The following MGLL variants were observed in gnomAD, a reference collection of about 807,000 sequenced individuals.
The protein encoded by MGLL is monoglyceride lipase, also known as lysophospholipase homolog.
MGLL carries 7 observed loss-of-function variants against 29.1 expected under a neutral mutation model. The ratio of observed to expected loss-of-function variants is 0.24; its 90% CI spans 0.14 to 0.45. The LOEUF is 0.45. Ranked by LOEUF, MGLL falls within the 20% of genes least tolerant of loss-of-function variation. The pLI is 0.99. For synonymous variants in MGLL, 148 were observed against 168.3 expected, an observed-to-expected ratio of 0.88 and a Z score of 0.93; for missense variants, 356 against 413.6, an observed-to-expected ratio of 0.86 and a Z score of 1.21.
chr3:127,692,419 T>C, intron 7 of MGLL, 96 bp from the exon 8 acceptor site: 1 of 1,502,652 alleles, frequency 6.7e-7, no homozygotes, highest in East Asian at 2.3e-5. Context: ...TGCAGCATTC[T>C]CCGGACCCTC....
chr3:127,814,000 CTCCT>C (rs891534945), intron 2 of MGLL, among the ~76,000 whole-genome samples: 12 of 151,560 alleles, frequency 7.9e-5, no homozygotes, highest in East Asian at 1.9e-4. Context: ...TCTTCTCTCC[CTCCT>C]TCCTTCCTTC....
intron 3 of MGLL, among the ~76,000 whole-genome samples, chr3:127,772,883 G>C (rs2076972900): frequency 6.6e-6 from 1 of 152,200 alleles, no homozygotes. Context: ...GACACAGTGA[G>C]AAAGCATCAT....
At position 127,735,646 on chromosome 3, in the gene MGLL, A is replaced by T. The variant is rs1460325942; in HGVS notation, c.263-13080T>A. Reference sequence around the variant, plus strand: ...AAATTCCAAGATTGTAGTTACCTCCAGTCACCTCCTGTCTACTCATCAAGT... The same window carrying T: ...AAATTCCAAGATTGTAGTTACCTCCTGTCACCTCCTGTCTACTCATCAAGT... On this transcript the variant is annotated intron_variant, in intron 3 of 7. Transcript: ENST00000265052. The T allele has an allele frequency of 2.0e-6, 3 of 1,504,836 alleles. No homozygotes were observed. In the African/African-American group the frequency reaches 4.2e-5, roughly 21 times the overall value. The allele number at this position is 1,504,836 out of a possible 1,614,324, so 93.2% of individuals were successfully genotyped here. A position where few individuals can be genotyped will look rare whatever the true frequency, so the allele number is the denominator to read the frequency against.
intron 3 of MGLL, among the ~76,000 whole-genome samples, chr3:127,731,331 CTTTTATTATTATTA>C (rs989114094): frequency 2.6e-5 from 3 of 116,960 alleles, no homozygotes; most frequent in African/African-American, 9.9e-5. Flanking sequence ...CTCTTGGTGG[CTTTTATTATTATTA>C]TTATTATTAT....
chr3:127,731,283 A>C (rs1343707343), intron 3 of MGLL, among the ~76,000 whole-genome samples: 1 of 150,856 alleles, frequency 6.6e-6, no homozygotes, highest in East Asian at 1.9e-4. Context: ...CCTCCCAAGT[A>C]CTGGGACTAC....
intron 6 of MGLL, among the ~76,000 whole-genome samples, chr3:127,710,229 A>G (rs2075685042): frequency 6.6e-6 from 1 of 152,214 alleles, no homozygotes; most frequent in Non-Finnish European, 1.5e-5. Flanking sequence ...CCCTGGATCC[A>G]GCCATGTCTG....
At chr3:127,760,388 C>T (rs2076741565) in intron 3 of MGLL, among the ~76,000 whole-genome samples, 1 of 152,228 alleles carries the variant, frequency 6.6e-6, no homozygotes, top group South Asian at 2.1e-4. Flanking sequence ...TCTGGGCTCA[C>T]ACCATGCCAC....
chr3:127,695,397 G>C (rs2075339921), intron 6 of MGLL, among the ~76,000 whole-genome samples: 1 of 152,208 alleles, frequency 6.6e-6, no homozygotes, highest in Non-Finnish European at 1.5e-5. Flanking sequence ...TTTCAGGCTT[G>C]AGGGTTTCAC....
intron 6 of MGLL, among the ~76,000 whole-genome samples, chr3:127,704,656 A>G (rs1236683248): frequency 6.6e-6 from 1 of 152,208 alleles, no homozygotes; most frequent in East Asian, 1.9e-4. Flanking sequence ...AACATCACCG[A>G]TCATCAGAGA....
intron 2 of MGLL, among the ~76,000 whole-genome samples, chr3:127,806,614 T>G (rs1336282326): frequency 6.6e-6 from 1 of 151,676 alleles, no homozygotes; most frequent in Non-Finnish European, 1.5e-5. Context: ...TGTGAGTAGA[T>G]GTATGGGTGG....
intron 6 of MGLL, among the ~76,000 whole-genome samples, chr3:127,701,440 G>C (rs2075484534): frequency 6.6e-6 from 1 of 152,122 alleles, no homozygotes; most frequent in South Asian, 2.1e-4. Context: ...TTGGGTCCCT[G>C]TCACGCAGAG....
chr3:127,723,231 C>T (rs921780309), intron 3 of MGLL, among the ~76,000 whole-genome samples: 1 of 152,200 alleles, frequency 6.6e-6, no homozygotes, highest in African/African-American at 2.4e-5. Flanking sequence ...CTTTGAAGGA[C>T]ATCAGTCGCT....
Position 127,695,099 on chromosome 3 carries a change from T to G in MGLL, c.692A>C (p.Glu231Ala), listed in dbSNP as rs752505671. 2.5e-6 allele frequency: 4 copies of G among 1,614,096 alleles called. No individual in the cohort carries two copies. In the East Asian group the frequency reaches 8.9e-5, roughly 36 times the overall value. Residue 231 changes from glutamate (E) to alanine (A), a missense_variant, in exon 7 of 8, where the codon GAG (glutamate) becomes GCG (alanine). Glu to Ala is a moderately radical substitution (Grantham distance 107). Coordinates refer to ENST00000265052, the MANE Select transcript of MGLL (RefSeq NM_007283.7). The stretch of plus-strand genomic sequence containing the variant: ...CACAGTCAGCTTGGGGAGGGCGCGC[T>G]CCACCCGTGAGACGGCATTCAGCAG... Reference protein sequence around the residue: ...IQLLNAVSRVERALPKLTVPF... With the variant: ...IQLLNAVSRVARALPKLTVPF...
intron 2 of MGLL, among the ~76,000 whole-genome samples, chr3:127,804,536 A>G (rs1361864645): frequency 6.6e-6 from 1 of 152,232 alleles, no homozygotes; most frequent in African/African-American, 2.4e-5. Flanking sequence ...AAACTATAAT[A>G]GATCATCTTT....
intron 2 of MGLL, among the ~76,000 whole-genome samples, chr3:127,788,490 G>A (rs1269419830): frequency 6.6e-6 from 1 of 152,080 alleles, no homozygotes; most frequent in Non-Finnish European, 1.5e-5. Context: ...CCACGTAATG[G>A]TCAGGTCATG....
intron 3 of MGLL, among the ~76,000 whole-genome samples, chr3:127,766,286 C>T (rs1414528976): frequency 1.3e-5 from 2 of 152,182 alleles, no homozygotes; most frequent in Non-Finnish European, 2.9e-5. Flanking sequence ...TGTGTGATTT[C>T]CTCATTCCAC....
intron 6 of MGLL, among the ~76,000 whole-genome samples, chr3:127,707,638 A>C (rs1366013448): frequency 6.6e-6 from 1 of 152,222 alleles, no homozygotes; most frequent in Non-Finnish European, 1.5e-5. Context: ...CACTTCTACA[A>C]CTACAAATGC....
intron 2 of MGLL, among the ~76,000 whole-genome samples, chr3:127,804,838 G>A (rs891143069): frequency 6.6e-6 from 1 of 152,102 alleles, no homozygotes; most frequent in African/African-American, 2.4e-5. Context: ...CAGGCACCTC[G>A]ACCCCTGGAG....
chr3:127,744,344 C>T (rs1410161279), intron 3 of MGLL, among the ~76,000 whole-genome samples: 2 of 152,176 alleles, frequency 1.3e-5, no homozygotes, highest in Non-Finnish European at 2.9e-5. Context: ...TTTTGTATCA[C>T]GCTGCGGGAT....
Sources: allele counts gnomAD v4.1 joint callset (sites outside exome capture counted in the v4.1 genomes callset), GRCh38; gene constraint gnomAD v4.1.1; transcripts MANE v1.5; gene names NCBI Gene and HGNC (gene_info 2026-07-23, HGNC 2026-07-21).